RGS13: variants seen among roughly 807,000 people sequenced by gnomAD.
RGS13 encodes the protein regulator of G-protein signalling 13.
RGS13 carries 14 observed loss-of-function variants against 19.9 expected under a neutral mutation model. That is an observed-to-expected ratio of 0.70 (90% CI 0.46 to 1.10). The LOEUF (loss-of-function observed/expected upper bound fraction) is 1.10. RGS13 is among the 50% of genes least tolerant of loss of function. RGS13 has a pLI of 0.00. For missense variants in RGS13, 205 were observed against 187.1 expected, an observed-to-expected ratio of 1.10 and a Z score of -0.56; for synonymous variants, 60 against 56.8, an observed-to-expected ratio of 1.06 and a Z score of -0.25.
rs1211776427 is a variant in RGS13 at position 192,658,271 on chromosome 1, A to C, written c.198A>C (p.Ala66=). The change falls in exon 6 of 7, where the codon GCA becomes GCC. Residue 66 remains alanine (A), a synonymous_variant. Coordinates refer to ENST00000391995, the MANE Select transcript of RGS13 (RefSeq NM_002927.5). ...HSDENIQFWM[A]CETYKKIASR... Reference sequence around the variant, plus strand: ...ACGAGAATATTCAATTCTGGATGGCATGTGAAACCTATAAGAAAATTGCCT... The same window carrying C: ...ACGAGAATATTCAATTCTGGATGGCCTGTGAAACCTATAAGAAAATTGCCT... 6.2e-7 allele frequency: 1 copy of C among 1,613,578 alleles called. No homozygotes were observed. The highest frequency in any genetic ancestry group is 8.5e-7 in the Non-Finnish European group (1 of 1,179,654).
At chr1:192,651,772 T>C (rs961832133) in intron 5 of RGS13, among the ~76,000 whole-genome samples, 1 of 152,100 alleles carries the variant, frequency 6.6e-6, no homozygotes, top group Non-Finnish European at 1.5e-5. Flanking sequence ...GATTAATCTG[T>C]GCTCTCAGTG....
chr1:192,657,777 G>A (rs1465075800), intron 5 of RGS13, among the ~76,000 whole-genome samples: 2 of 152,040 alleles, frequency 1.3e-5, no homozygotes, highest in Non-Finnish European at 2.9e-5. Context: ...TCCTGACCTT[G>A]ACCTACAAGT....
intron 3 of RGS13, among the ~76,000 whole-genome samples, chr1:192,643,357 C>T (rs2102030602): frequency 6.6e-6 from 1 of 152,144 alleles, no homozygotes; most frequent in East Asian, 1.9e-4. Flanking sequence ...TTTAACAAAC[C>T]ATTTCCAGCT....
intron 5 of RGS13, 40 bp from the exon 6 acceptor site, chr1:192,658,161 T>C: frequency 6.6e-7 from 1 of 1,516,122 alleles, no homozygotes; most frequent in South Asian, 1.2e-5. Context: ...TTTGGTGATT[T>C]TGACCCATGA....
chr1:192,643,987 A>C (rs115844734), intron 3 of RGS13, among the ~76,000 whole-genome samples: 4,122 of 152,130 alleles, frequency 0.027, 196 homozygotes, highest in African/African-American at 0.093. Flanking sequence ...ATTGTCCCAA[A>C]AGGGAAGCCT....
chr1:192,637,462 C>G (rs185970134), intron 1 of RGS13, 128 bp from the exon 2 acceptor site: 1 of 151,764 alleles, frequency 6.6e-6, no homozygotes, highest in African/African-American at 2.4e-5. Flanking sequence ...CCAGCATTTC[C>G]GAGGTGGAAA....
chr1:192,659,711 TA>T lies in RGS13; in HGVS notation c.*190del, dbSNP rs936920168. 1.1e-4 allele frequency: 60 copies of T among 547,332 alleles called. No individual in the cohort carries two copies. Among genetic ancestry groups the T allele is most frequent in the Non-Finnish European group, 1.7e-4 (53 of 312,198 alleles). 33.9% of individuals were successfully genotyped at this position (547,332 alleles called of 1,614,324 possible). A position where few individuals can be genotyped will look rare whatever the true frequency, so the allele number is the denominator to read the frequency against. ...GAATCTAGAATTCTTATAACATGAA[TA>T]ACAAAATGTACAGCAAGCCTATGTA... On this transcript the variant is annotated 3_prime_UTR_variant, in exon 7 of 7. Coordinates refer to ENST00000391995, the MANE Select transcript of RGS13 (RefSeq NM_002927.5).
intron 5 of RGS13, among the ~76,000 whole-genome samples, chr1:192,649,730 C>T (rs571372917): frequency 5.3e-5 from 8 of 152,112 alleles, no homozygotes; most frequent in Non-Finnish European, 1.2e-4. Context: ...TCTTCTCCTC[C>T]AGGCTTTTGT....
chr1:192,638,127 T>A (rs1417299455), intron 2 of RGS13, 37 bp from the exon 3 acceptor site: 1 of 152,104 alleles, frequency 6.6e-6, no homozygotes. Context: ...AAATTCTTTG[T>A]CCTCAGACTG....
rs527971820 is a variant in RGS13, at chr1:192,658,358, C to T, written c.285C>T (p.Ser95=). Residue 95 remains serine, a synonymous_variant, in exon 6 of 7, where the codon TCC becomes TCT. Coordinates refer to ENST00000391995, the MANE Select transcript of RGS13 (RefSeq NM_002927.5). The stretch of plus-strand genomic sequence containing the variant: ...ATAAGATTTACATCCAGCCACAGTC[C>T]CCTAGAGAGGTAACTACCTGACAAT... ...KLYKIYIQPQ[S]PREINIDSST... 1 of 1,610,538 alleles carries T rather than the reference C, an allele frequency of 6.2e-7. No homozygotes were observed. The highest frequency in any genetic ancestry group is 1.1e-5 in the South Asian group (1 of 90,718).
intron 5 of RGS13, among the ~76,000 whole-genome samples, chr1:192,654,530 A>G (rs1663400790): frequency 6.6e-6 from 1 of 152,080 alleles, no homozygotes; most frequent in Admixed American, 6.6e-5. Context: ...AACTCCACAC[A>G]TACTATGGTA....
intron 3 of RGS13, among the ~76,000 whole-genome samples, chr1:192,641,234 AAG>A: frequency 3.6e-5 from 3 of 82,290 alleles, no homozygotes; most frequent in Middle Eastern, 5.9e-3. Context: ...GAAAGAAAGA[AAG>A]AAAGAAAGAA....
intron 3 of RGS13, among the ~76,000 whole-genome samples, chr1:192,642,785 G>A (rs1275032785): frequency 1.3e-5 from 2 of 152,054 alleles, no homozygotes; most frequent in African/African-American, 4.8e-5. Context: ...AGTCTAGTTA[G>A]GTTCTCCTCC....
rs895726049 is a variant in RGS13, at chr1:192,636,325, T to C, written c.-116+8T>C. 2 of 152,082 alleles carry C rather than the reference T, an allele frequency of 1.3e-5. No individual in the cohort carries two copies. Among genetic ancestry groups the C allele is most frequent in the Non-Finnish European group, 2.9e-5 (2 of 67,988 alleles). The allele number at this position is 152,082 out of a possible 1,614,324, so 9.4% of individuals were successfully genotyped here. A position where few individuals can be genotyped will look rare whatever the true frequency, so the allele number is the denominator to read the frequency against. On this transcript the variant is annotated splice_region_variant and intron_variant, in intron 1 of 6. Coordinates refer to ENST00000391995, the MANE Select transcript of RGS13 (RefSeq NM_002927.5). ...GCTCGACAGGATATATTTGTAAGTA[T>C]GAGATTCTATAAAATAGTTGATAAA...
At chr1:192,650,128 T>C (rs183616916) in intron 5 of RGS13, among the ~76,000 whole-genome samples, 88 of 152,218 alleles carry the variant, frequency 5.8e-4, no homozygotes, top group Non-Finnish European at 1.0e-3. Context: ...ATTAAAAAAA[T>C]GAATAGGCTT....
At chr1:192,659,147 G>A (rs2102040432) in intron 6 of RGS13, 191 bp from the exon 7 acceptor site, 2 of 422,186 alleles carry the variant, frequency 4.7e-6, no homozygotes, top group Middle Eastern at 6.3e-4. Flanking sequence ...TGGATGTGGA[G>A]TTGGATATTT....
chr1:192,648,962 G>A (rs1051096629), intron 5 of RGS13, among the ~76,000 whole-genome samples: 2 of 152,032 alleles, frequency 1.3e-5, no homozygotes, highest in Admixed American at 1.3e-4. Flanking sequence ...AGTTGTCACT[G>A]CCCAGCCCAG....
chr1:192,647,907 T>G lies in RGS13; in HGVS notation c.66-19T>G. 6.4e-7 allele frequency: 1 copy of G among 1,567,842 alleles called. No homozygotes were observed. Among genetic ancestry groups the G allele is most frequent in the Non-Finnish European group, 8.7e-7 (1 of 1,153,790 alleles). The stretch of plus-strand genomic sequence containing the variant: ...TGAGAATATTTAGCCCAATCAGTGC[T>G]TTTTGTTTCTTTTCAAAGCCTTACT... On this transcript the variant is annotated intron_variant, in intron 4 of 6. Coordinates refer to ENST00000391995, the MANE Select transcript of RGS13 (RefSeq NM_002927.5).
In RGS13 at chr1:192,660,075, G is replaced by T. The variant is rs1261252125; in HGVS notation, c.*552G>T. On this transcript the variant is annotated 3_prime_UTR_variant, in exon 7 of 7. Coordinates refer to ENST00000391995, the MANE Select transcript of RGS13 (RefSeq NM_002927.5). ...TCATTAACAAACTTCTTTATCACAT[G>T]TATCTTCTACATGTAAAACATTTCT... 1 of 151,904 alleles carries T rather than the reference G, an allele frequency of 6.6e-6. No individual in the cohort carries two copies. Among genetic ancestry groups the T allele is most frequent in the Non-Finnish European group, 1.5e-5 (1 of 67,950 alleles). The allele number at this position is 151,904 out of a possible 1,614,324, so 9.4% of individuals were successfully genotyped here. A position where few individuals can be genotyped will look rare whatever the true frequency, so the allele number is the denominator to read the frequency against.
Sources: allele counts gnomAD v4.1 joint callset (sites outside exome capture counted in the v4.1 genomes callset), GRCh38; gene constraint gnomAD v4.1.1; transcripts MANE v1.5; gene names NCBI Gene and HGNC (gene_info 2026-07-23, HGNC 2026-07-21).